Variants in SFXN4 observed in about 807,000 individuals in gnomAD.
SFXN4 encodes the protein sideroflexin-4.
A neutral mutation model predicts 54.6 loss-of-function variants in SFXN4; 48 were observed. The ratio of observed to expected loss-of-function variants is 0.88; its 90% CI spans 0.70 to 1.12. The LOEUF (loss-of-function observed/expected upper bound fraction) is 1.12, where lower values mean the gene tolerates loss of function less well. SFXN4 is among the 50% of genes most tolerant of loss of function. SFXN4 has a pLI of 0.00. For synonymous variants in SFXN4, 130 were observed against 145.5 expected, an observed-to-expected ratio of 0.89 and a Z score of 0.77; for missense variants, 383 against 409.2, an observed-to-expected ratio of 0.94 and a Z score of 0.55.
intron 2 of SFXN4, 23 bp downstream of exon 2, chr10:119,164,108 T>A: frequency 2.9e-6 from 4 of 1,364,302 alleles, no homozygotes; most frequent in Non-Finnish European, 4.1e-6. Context: ...GTGAAATTCA[T>A]TAGCTCTGAA....
chr10:119,147,722 TA>T, intron 12 of SFXN4, 52 bp downstream of exon 12: 1 of 1,513,880 alleles, frequency 6.6e-7, no homozygotes, highest in Non-Finnish European at 9.2e-7. Context: ...TGACAGGTTT[TA>T]TAAGGATTTG....
chr10:119,157,982 T>A (rs2133612212), intron 7 of SFXN4, 27 bp downstream of exon 7: 1 of 1,614,074 alleles, frequency 6.2e-7, no homozygotes, highest in Non-Finnish European at 8.5e-7. Context: ...CAGAATTTAG[T>A]AATCGTGAAA....
intron 13 of SFXN4, 26 bp downstream of exon 13, chr10:119,146,210 G>T: frequency 8.0e-7 from 1 of 1,251,152 alleles, no homozygotes; most frequent in Non-Finnish European, 1.1e-6. Flanking sequence ...AAAACTTTGA[G>T]AGAAAAGAGG....
At chr10:119,162,772 T>C (rs1176183598) in intron 2 of SFXN4, among the ~76,000 whole-genome samples, 4 of 133,756 alleles carry the variant, frequency 3.0e-5, no homozygotes, top group African/African-American at 7.5e-5. Flanking sequence ...TTCAGTCTTA[T>C]TTCCTCTCTT....
chr10:119,144,222 C>T lies in SFXN4; in HGVS notation c.936+2014G>A, dbSNP rs1196236307. Among the ~76,000 whole-genome samples, 6 of 152,022 alleles carry T rather than the reference C, an allele frequency of 3.9e-5. No individual in the cohort carries two copies. In the East Asian group the frequency reaches 7.7e-4, roughly 20 times the overall value. On this transcript the variant is annotated intron_variant, in intron 13 of 13. Transcript: ENST00000355697. ...CTGTAATACCAGCACTTTGGGAGGCCGAGGCGGGCGGATCACGAGGTCAGG... is the reference window on the plus strand; with the variant it reads ...CTGTAATACCAGCACTTTGGGAGGCTGAGGCGGGCGGATCACGAGGTCAGG...
In SFXN4 at chr10:119,160,997, T is replaced by C. The variant is rs776178361; in HGVS notation, c.280-28A>G. 7.4e-6 allele frequency: 12 copies of C among 1,614,172 alleles called. 1 individual carries two copies. The East Asian group carries it at 2.7e-4, about 36-fold the overall frequency. On this transcript the variant is annotated intron_variant, in intron 4 of 13. Transcript: ENST00000355697. ...TCAAAAGGAGAGATGCAAGGTTAGC[T>C]GGATGTCTGGTTTTGTTATTATAGG... is the stretch of plus-strand genomic sequence containing the variant.
At chr10:119,162,222 G>GA in intron 3 of SFXN4, 118 bp downstream of exon 3, 1 of 785,978 alleles carries the variant, frequency 1.3e-6, no homozygotes, top group Non-Finnish European at 2.1e-6. Context: ...CCAAGGGAAG[G>GA]AAAAAAGAAA....
rs947046995 is a variant in SFXN4 at position 119,160,915 on chromosome 10, C to T, written c.334G>A (p.Ala112Thr). Residue 112 changes from alanine (A) to threonine (T), a missense_variant and splice_region_variant, in exon 5 of 14, where the codon GCG becomes ACG. Physicochemically the swap from Ala to Thr is moderately conservative, Grantham distance 58 (BLOSUM62 0). Transcript: ENST00000355697. ...NLIPKLFRPA[A>T]FLPFMAPTVF... is the part of the protein sequence containing the mutation. ...CTTCTGAAAATTAGAACCAACTCAC[C>T]TGCAGGTCGAAAAAGCTTGGGGATC... The T allele has an allele frequency of 1.9e-6, 3 of 1,614,026 alleles. No homozygotes were observed. The highest frequency in any genetic ancestry group is 2.5e-6 in the Non-Finnish European group (3 of 1,179,972).
rs1442690272 is a variant in SFXN4 at position 119,160,019 on chromosome 10, A to G, written c.335-266T>C. ...TAGAGGTAGCGAGACCCCCACCTCC[A>G]TAAAAAATTTAAAGCCAGGTGTGGC... is the stretch of plus-strand genomic sequence containing the variant. On this transcript the variant is annotated intron_variant, in intron 5 of 13. Coordinates refer to ENST00000355697, the MANE Select transcript of SFXN4 (RefSeq NM_213649.2). Among the ~76,000 whole-genome samples, 4 of 152,214 alleles carry G rather than the reference A, an allele frequency of 2.6e-5. No homozygotes were observed. In the East Asian group the frequency reaches 5.8e-4, roughly 22 times the overall value.
At chr10:119,161,834 A>G (rs1393338603) in intron 3 of SFXN4, among the ~76,000 whole-genome samples, 3 of 152,254 alleles carry the variant, frequency 2.0e-5, no homozygotes, top group African/African-American at 7.2e-5. Context: ...GGTCCCCAGC[A>G]CATTCTTAGA....
intron 9 of SFXN4, among the ~76,000 whole-genome samples, chr10:119,157,349 T>C (rs1847314384): frequency 6.6e-6 from 1 of 150,998 alleles, no homozygotes; most frequent in African/African-American, 2.4e-5. Context: ...GAGAATCACT[T>C]GAACCCAGGA....
At chr10:119,158,386 T>G (rs972234012) in intron 6 of SFXN4, among the ~76,000 whole-genome samples, 3 of 151,908 alleles carry the variant, frequency 2.0e-5, no homozygotes, top group Non-Finnish European at 4.4e-5. Context: ...TTTGGGAGGC[T>G]GAGGTGGGAG....
intron 10 of SFXN4, among the ~76,000 whole-genome samples, chr10:119,155,414 A>G (rs1847241827): frequency 6.6e-6 from 1 of 152,212 alleles, no homozygotes; most frequent in Non-Finnish European, 1.5e-5. Context: ...GCCTGGGACC[A>G]GCTTCCAGCA....
At chr10:119,157,505 A>C (rs764016149) in intron 9 of SFXN4, among the ~76,000 whole-genome samples, 163 bp downstream of exon 9, 3 of 152,112 alleles carry the variant, frequency 2.0e-5, no homozygotes, top group Non-Finnish European at 4.4e-5. Flanking sequence ...AACTTAAACT[A>C]TTAACATGAT....
At chr10:119,164,257 C>A in intron 1 of SFXN4, 61 bp from the exon 2 acceptor site, 1 of 929,964 alleles carries the variant, frequency 1.1e-6, no homozygotes, top group Non-Finnish European at 1.6e-6. Context: ...GATATAAATA[C>A]TAACAGTTGG....
At chr10:119,163,594 G>T (rs184990153) in intron 2 of SFXN4, among the ~76,000 whole-genome samples, 2 of 151,726 alleles carry the variant, frequency 1.3e-5, no homozygotes, top group East Asian at 2.0e-4. Flanking sequence ...TAGAGACGTC[G>T]GTTTCACCAT....
intron 1 of SFXN4, among the ~76,000 whole-genome samples, chr10:119,164,495 G>A (rs1286944348): frequency 6.6e-6 from 1 of 152,082 alleles, no homozygotes; most frequent in Non-Finnish European, 1.5e-5. Flanking sequence ...CCAGACTTTG[G>A]GGGTTCAAAT....
At position 119,158,032 on chromosome 10, in the gene SFXN4, T is replaced by C; in HGVS notation, c.391A>G (p.Ile131Val). 1 of 1,614,170 alleles carries C rather than the reference T, an allele frequency of 6.2e-7. No individual in the cohort carries two copies. Among genetic ancestry groups the C allele is most frequent in the Non-Finnish European group, 8.5e-7 (1 of 1,180,008 alleles). ...ACCTGAGGTAAAATCACGGACTTGA[T>C]CCCTTTCAGTGGCGTCATTGACAAA... The part of the protein sequence containing the change: ...VFLSMTPLKG[I>V]KSVILPQVFL... Residue 131 changes from isoleucine to valine, a missense_variant, in exon 7 of 14, where the codon ATC becomes GTC. Ile to Val is a conservative substitution (Grantham distance 29). Coordinates refer to ENST00000355697, the MANE Select transcript of SFXN4 (RefSeq NM_213649.2).
At chr10:119,152,363 T>C (rs1371186635) in intron 11 of SFXN4, among the ~76,000 whole-genome samples, 4 of 151,656 alleles carry the variant, frequency 2.6e-5, no homozygotes, top group Non-Finnish European at 4.4e-5. Flanking sequence ...CACTGCAACC[T>C]CCACCTCTCA....
Sources: gnomAD v4.1 joint callset for allele counts (sites outside exome capture counted in the v4.1 genomes callset) on GRCh38, gnomAD v4.1.1 for gene constraint, MANE v1.5 for transcripts, NCBI Gene and HGNC (gene_info 2026-07-23, HGNC 2026-07-21) for gene names.